Variants in FAM107B observed in about 807,000 individuals in gnomAD.
The protein encoded by FAM107B is family with sequence similarity 107 member B.
Under a neutral mutation model 31.5 loss-of-function variants are expected in FAM107B, and 21 were observed. That is an observed-to-expected ratio of 0.67 (90% CI 0.47 to 0.96). The LOEUF is 0.96. FAM107B is among the 40% of genes least tolerant of loss of function. The pLI is 0.00. For missense variants in FAM107B, 452 were observed against 377.1 expected, an observed-to-expected ratio of 1.20 and a Z score of -1.64; for synonymous variants, 157 against 141.5, an observed-to-expected ratio of 1.11 and a Z score of -0.78.
chr10:14,578,531 G>A (rs1851534095), intron 2 of FAM107B, among the ~76,000 whole-genome samples: 2 of 152,126 alleles, frequency 1.3e-5, no homozygotes, highest in South Asian at 2.1e-4. Flanking sequence ...CAGACTTGCC[G>A]AGAGAGGGGA....
At chr10:14,661,258 T>C (rs1253826558) in intron 2 of FAM107B, among the ~76,000 whole-genome samples, 1 of 152,232 alleles carries the variant, frequency 6.6e-6, no homozygotes, top group South Asian at 2.1e-4. Flanking sequence ...AAAAGTGTGA[T>C]GGTTGATTCT....
At chr10:14,572,425 A>G (rs1457534021) in intron 2 of FAM107B, 1 of 985,110 alleles carries the variant, frequency 1.0e-6, no homozygotes, top group East Asian at 1.1e-4. Context: ...AAGTTCTCGC[A>G]CTTCTTAGAG....
chr10:14,602,554 C>CT (rs1852434201), intron 2 of FAM107B: 1 of 152,206 alleles, frequency 6.6e-6, no homozygotes, highest in South Asian at 2.1e-4. Flanking sequence ...AGTGCAAGGT[C>CT]TTTAAGAAGC....
intron 1 of FAM107B, among the ~76,000 whole-genome samples, chr10:14,678,629 T>A (rs1854749657): frequency 6.7e-6 from 1 of 149,598 alleles, no homozygotes; most frequent in Non-Finnish European, 1.5e-5. Flanking sequence ...TCCTCTCCTC[T>A]CTCTGTTTGT....
chr10:14,737,477 G>T (rs1856327543), intron 1 of FAM107B, among the ~76,000 whole-genome samples: 1 of 152,042 alleles, frequency 6.6e-6, no homozygotes, highest in Non-Finnish European at 1.5e-5. Flanking sequence ...AGCCGGGCGT[G>T]GTGACAGGCA....
At chr10:14,774,017 G>A (rs1833364241) in intron 1 of FAM107B, among the ~76,000 whole-genome samples, 1 of 152,174 alleles carries the variant, frequency 6.6e-6, no homozygotes, top group African/African-American at 2.4e-5. Context: ...TTAATTCAAG[G>A]TTACCTTCGG....
intron 1 of FAM107B, among the ~76,000 whole-genome samples, chr10:14,679,667 T>C (rs1299722856): frequency 6.6e-6 from 1 of 152,182 alleles, no homozygotes; most frequent in Non-Finnish European, 1.5e-5. Flanking sequence ...TGGTTAATAC[T>C]GAGTGTCAAC....
intron 3 of FAM107B, among the ~76,000 whole-genome samples, chr10:14,526,319 G>A (rs7079659): frequency 0.12 from 18,159 of 152,144 alleles, 1,182 homozygotes; most frequent in Non-Finnish European, 0.15. Context: ...GACTACAGGC[G>A]CGTGCCACCA....
At chr10:14,552,386 A>C (rs1849338424) in intron 2 of FAM107B, among the ~76,000 whole-genome samples, 1 of 152,190 alleles carries the variant, frequency 6.6e-6, no homozygotes, top group Non-Finnish European at 1.5e-5. Context: ...AACTCAGATA[A>C]ACTTTCTAAA....
intron 1 of FAM107B, among the ~76,000 whole-genome samples, chr10:14,746,295 A>G (rs575470423): frequency 6.6e-5 from 10 of 152,306 alleles, no homozygotes; most frequent in African/African-American, 2.4e-4. Flanking sequence ...GTCCATTTAC[A>G]ATTAAGGTTA....
intron 1 of FAM107B, among the ~76,000 whole-genome samples, chr10:14,727,232 C>T (rs1055962338): frequency 5.3e-5 from 8 of 152,282 alleles, no homozygotes; most frequent in East Asian, 1.9e-4. Context: ...TGACCCAGTT[C>T]CTAACAGGCC....
At chr10:14,747,511 GCTTT>G (rs1471790233) in intron 1 of FAM107B, among the ~76,000 whole-genome samples, 2 of 152,124 alleles carry the variant, frequency 1.3e-5, no homozygotes, top group Non-Finnish European at 2.9e-5. Flanking sequence ...TGTTGTTGTT[GCTTT>G]CTGTTTGTTT....
At chr10:14,753,795 A>G (rs1439954345) in intron 1 of FAM107B, among the ~76,000 whole-genome samples, 1 of 152,138 alleles carries the variant, frequency 6.6e-6, no homozygotes, top group Non-Finnish European at 1.5e-5. Flanking sequence ...CATTTTAGTA[A>G]CCAGAGAAAG....
At chr10:14,587,118 C>A (rs1232669236) in intron 2 of FAM107B, among the ~76,000 whole-genome samples, 8 of 152,160 alleles carry the variant, frequency 5.3e-5, no homozygotes, top group Non-Finnish European at 1.0e-4. Context: ...GCTTTTCCTG[C>A]CTGATAATAG....
chr10:14,631,384 C>T (rs961803163), intron 2 of FAM107B, among the ~76,000 whole-genome samples: 3 of 152,176 alleles, frequency 2.0e-5, no homozygotes, highest in African/African-American at 7.2e-5. Context: ...CTTGTCTATC[C>T]TTTTACATTG....
At chr10:14,664,884 A>T (rs959160942) in intron 2 of FAM107B, among the ~76,000 whole-genome samples, 10 of 152,246 alleles carry the variant, frequency 6.6e-5, no homozygotes, top group African/African-American at 2.4e-4. Context: ...TGGTTAATCA[A>T]TATGGGAGAT....
chr10:14,555,894 A>AACACGCAC (rs1849651294), intron 2 of FAM107B: 1 of 148,088 alleles, frequency 6.8e-6, no homozygotes, highest in Non-Finnish European at 1.5e-5. Context: ...AGACATCTTT[A>AACACGCAC]ACACACACAC....
chr10:14,725,960 G>A (rs1017729446), intron 1 of FAM107B, among the ~76,000 whole-genome samples: 2 of 151,524 alleles, frequency 1.3e-5, no homozygotes, highest in South Asian at 2.1e-4. Context: ...CAAGTAGCTG[G>A]GATTACAGGC....
chr10:14,752,016 A>C (rs1832837782), intron 1 of FAM107B, among the ~76,000 whole-genome samples: 1 of 152,178 alleles, frequency 6.6e-6, no homozygotes, highest in African/African-American at 2.4e-5. Flanking sequence ...TGTTTTTGAA[A>C]TACCCACTGG....
Sources: allele counts gnomAD v4.1 joint callset (sites outside exome capture counted in the v4.1 genomes callset), GRCh38; gene constraint gnomAD v4.1.1; transcripts MANE v1.5; gene names NCBI Gene and HGNC (gene_info 2026-07-23, HGNC 2026-07-21).